Variants in POGZ observed in about 807,000 individuals in gnomAD.
POGZ encodes pogo transposable element derived with ZNF domain, also known as pogo transposable element with ZNF domain.
POGZ carries 17 observed loss-of-function variants against 134.6 expected under a neutral mutation model. The observed-to-expected ratio is 0.13, with a 90% confidence interval of 0.09 to 0.19. The LOEUF (loss-of-function observed/expected upper bound fraction) is 0.19, where lower values mean the gene tolerates loss of function less well. POGZ is among the 10% of genes least tolerant of loss of function. The pLI is 1.00. For missense variants in POGZ, 1,306 were observed against 1,769.7 expected (o/e 0.74, Z 4.70); for synonymous variants, 693 against 657.1 (o/e 1.05, Z -0.84).
chr1:151,411,643 C>T lies in POGZ; in HGVS notation c.1908G>A (p.Gln636=), dbSNP rs1386450770. 1.2e-6 allele frequency: 2 copies of T among 1,610,266 alleles called. No homozygotes were observed. Among genetic ancestry groups the T allele is most frequent in the Non-Finnish European group, 1.7e-6 (2 of 1,178,552 alleles). ...CTAGTACCTGGTGCCTCATGTAATG[C>T]TGTTGGAATGCATTGCCATTTTTGA... ...KVFKNGNAFQ[Q]HYMRHQKRNV... is the part of the protein sequence containing the mutation. Residue 636 remains glutamine, a synonymous_variant, in exon 12 of 19, where the codon CAG becomes CAA. Coordinates refer to ENST00000271715, the MANE Select transcript of POGZ (RefSeq NM_015100.4).
Position 151,406,151 on chromosome 1 carries a change from C to T in POGZ, c.2884G>A (p.Gly962Ser). 1 of 1,614,208 alleles carries T rather than the reference C, an allele frequency of 6.2e-7. No homozygotes were observed. The highest frequency in any genetic ancestry group is 8.5e-7 in the Non-Finnish European group (1 of 1,180,036). ...TTTTTGCCAACTCCACCACTACCAC[C>T]ACCACCTGATGCTAGCTCAGGTTCT... ...TQEPELASGG[G>S]GSGGVGKKEQ... Residue 962 changes from glycine to serine, a missense_variant, in exon 19 of 19, where the codon GGT becomes AGT. Transcript: ENST00000271715.
intron 10 of POGZ, among the ~76,000 whole-genome samples, chr1:151,413,258 T>C (rs572802073): frequency 1.3e-5 from 2 of 151,892 alleles, no homozygotes; most frequent in Non-Finnish European, 2.9e-5. Flanking sequence ...AGGACTACAG[T>C]GGTGCACCAC....
intron 1 of POGZ, among the ~76,000 whole-genome samples, chr1:151,448,930 G>A (rs1038570589): frequency 6.6e-6 from 1 of 152,078 alleles, no homozygotes; most frequent in Non-Finnish European, 1.5e-5. Flanking sequence ...ACAAGATATA[G>A]ACAGATCATG....
At position 151,425,008 on chromosome 1, in the gene POGZ, G is replaced by T; in HGVS notation, c.1132C>A (p.Pro378Thr). ...DLQDGGRKIC[P>T]RCNAQFRVTE... is the part of the protein sequence containing the mutation. ...ACACGAAATTGAGCATTACATCGTG[G>T]ACATATTTTCCGTCCACCATCCTGG... The change falls in exon 8 of 19, where the codon CCA becomes ACA. Residue 378 changes from proline to threonine, a missense_variant. This residue lies in a region of POGZ where 541 missense variants were observed against 680.5 expected (regional missense o/e 0.80). Coordinates refer to ENST00000271715, the MANE Select transcript of POGZ (RefSeq NM_015100.4). The T allele has an allele frequency of 6.3e-7, 1 of 1,599,346 alleles. No individual in the cohort carries two copies. Among genetic ancestry groups the T allele is most frequent in the Non-Finnish European group, 8.5e-7 (1 of 1,170,116 alleles).
In POGZ at chr1:151,403,331, A is replaced by G. The variant is rs1410703489; in HGVS notation, c.*1471T>C. 1 of 985,452 alleles carries G rather than the reference A, an allele frequency of 1.0e-6. No individual in the cohort carries two copies. The highest frequency in any genetic ancestry group is 1.2e-6 in the Non-Finnish European group (1 of 829,798). The allele number at this position is 985,452 out of a possible 1,614,324, so 61.0% of individuals were successfully genotyped here. On this transcript the variant is annotated 3_prime_UTR_variant, in exon 19 of 19. Transcript: ENST00000271715. ...CTGTGAAAGCCTATTAAACAGGGTC[A>G]CCTAGAAAAAAAACAAGTTTATAAA...
At chr1:151,436,496 T>A (rs767805496) in intron 3 of POGZ, among the ~76,000 whole-genome samples, 2 of 151,990 alleles carry the variant, frequency 1.3e-5, no homozygotes, top group Non-Finnish European at 2.9e-5. Context: ...CAGGCTGGAG[T>A]GCAGTGGTGC....
intron 1 of POGZ, among the ~76,000 whole-genome samples, chr1:151,451,719 T>C (rs561740754): frequency 6.6e-6 from 1 of 151,914 alleles, no homozygotes; most frequent in East Asian, 1.9e-4. Flanking sequence ...ATGAGATAAA[T>C]CCAGAAGGTG....
Position 151,423,468 on chromosome 1 carries a change from T to C in POGZ, c.1607A>G (p.Tyr536Cys). 1.2e-6 allele frequency: 2 copies of C among 1,614,028 alleles called. No individual in the cohort carries two copies. Among genetic ancestry groups the C allele is most frequent in the Non-Finnish European group, 1.7e-6 (2 of 1,179,860 alleles). Residue 536 changes from tyrosine (Y) to cysteine (C), a missense_variant, in exon 10 of 19, where the codon TAC becomes TGC. Tyr to Cys is a radical substitution (Grantham distance 194). Transcript: ENST00000271715. ...VDGHTICQHC[Y>C]RQFSTPFQLQ... is the part of the protein sequence containing the mutation. ...CTGGAAGGGAGTGGAAAACTGGCGG[T>C]AACAGTGCTGGCAGATAGTGTGACC...
At chr1:151,450,013 G>A (rs1661834000) in intron 1 of POGZ, among the ~76,000 whole-genome samples, 2 of 144,100 alleles carry the variant, frequency 1.4e-5, no homozygotes, top group East Asian at 4.2e-4. Flanking sequence ...TCACCTACCT[G>A]TGAAACTTGA....
rs780547697 is a variant in POGZ at position 151,406,162 on chromosome 1, G to A, written c.2873C>T (p.Ala958Val). ...TCCACCACTACCACCACCACCTGAT[G>A]CTAGCTCAGGTTCTTGGGTGACTGG... ...GSPVTQEPEL[A>V]SGGGGSGGVG... Residue 958 changes from alanine (A) to valine (V), a missense_variant, in exon 19 of 19, where the codon GCA becomes GTA. By Grantham distance (64) the Ala-to-Val change is moderately conservative (BLOSUM62 0). Around this residue, in one of 10 missense-constraint regions of POGZ, gnomAD observed 214 missense variants for 255.5 expected, o/e 0.84. Transcript: ENST00000271715. The A allele has an allele frequency of 3.7e-6, 6 of 1,613,936 alleles. No individual in the cohort carries two copies. Among genetic ancestry groups the A allele is most frequent in the East Asian group, 4.5e-5 (2 of 44,904 alleles).
intron 11 of POGZ, 141 bp from the exon 12 acceptor site, chr1:151,411,912 C>T: frequency 1.6e-6 from 1 of 644,286 alleles, no homozygotes; most frequent in Non-Finnish European, 2.6e-6. Flanking sequence ...ATTTTCCTGA[C>T]TTTGTAATGC....
chr1:151,407,078 C>T, intron 16 of POGZ, 55 bp from the exon 17 acceptor site: 1 of 1,425,704 alleles, frequency 7.0e-7, no homozygotes, highest in Non-Finnish European at 9.8e-7. Flanking sequence ...CACTTGAGAC[C>T]ATTAAGCTTT....
At chr1:151,445,535 A>G (rs1661145081) in intron 1 of POGZ, among the ~76,000 whole-genome samples, 1 of 151,710 alleles carries the variant, frequency 6.6e-6, no homozygotes, top group Non-Finnish European at 1.5e-5. Flanking sequence ...AAAAAAAAAA[A>G]AAAGAAAAAA....
Position 151,424,075 on chromosome 1 carries a change from A to G in POGZ, c.1397T>C (p.Ile466Thr), listed in dbSNP as rs746423911. ...ATAGTAGAAGTCATCTACAAGCATA[A>G]TGAGTTTGGTCTGGACGGCATCGCC... ...NVGDAVQTKL[I>T]MLVDDFYYGR... Residue 466 changes from isoleucine (I) to threonine (T), a missense_variant, in exon 9 of 19, where the codon ATT becomes ACT. Transcript: ENST00000271715. 1.9e-6 allele frequency: 3 copies of G among 1,614,112 alleles called. No homozygotes were observed. Among genetic ancestry groups the G allele is most frequent in the African/African-American group, 1.3e-5 (1 of 75,026 alleles).
Position 151,408,751 on chromosome 1 carries a change from T to C in POGZ, c.2004A>G (p.Gln668=). ...TGGGTTTACGGAAGGTTTTATGGTG[T>C]TGAAGCTTGTGTTCAATTTTGTCCT... is the stretch of plus-strand genomic sequence containing the variant. ...FAKDKIEHKL[Q]HHKTFRKPKQ... Residue 668 remains glutamine (Q), a synonymous_variant, in exon 13 of 19, where the codon CAA becomes CAG. Coordinates refer to ENST00000271715, the MANE Select transcript of POGZ (RefSeq NM_015100.4). 6.2e-7 allele frequency: 1 copy of C among 1,614,116 alleles called. No individual in the cohort carries two copies. The highest frequency in any genetic ancestry group is 1.1e-5 in the South Asian group (1 of 91,080).
At chr1:151,433,606 C>CA (rs57509550) in intron 3 of POGZ, among the ~76,000 whole-genome samples, 2,095 of 81,656 alleles carry the variant, frequency 0.026, 82 homozygotes, top group African/African-American at 0.073. Flanking sequence ...AATTCCGTCT[C>CA]AAAAAAAAAA....
intron 10 of POGZ, 30 bp from the exon 11 acceptor site, chr1:151,412,426 A>C (rs777096628): frequency 4.0e-6 from 5 of 1,244,512 alleles, no homozygotes; most frequent in Non-Finnish European, 5.9e-6. Context: ...CAATAAATCC[A>C]CTTGAAAATA....
chr1:151,430,140 A>T (rs1228814355), intron 4 of POGZ, among the ~76,000 whole-genome samples: 1 of 152,190 alleles, frequency 6.6e-6, no homozygotes, highest in Non-Finnish European at 1.5e-5. Context: ...CCTTTGGCAA[A>T]TTCATAAGAA....
In POGZ at chr1:151,430,705, A is replaced by T; in HGVS notation, c.420T>A (p.Ser140Arg). The T allele has an allele frequency of 6.2e-7, 1 of 1,610,102 alleles. No individual in the cohort carries two copies. The highest frequency in any genetic ancestry group is 8.5e-7 in the Non-Finnish European group (1 of 1,178,236). ...ATATTGGTTGTGAGGCCACAGGGGA[A>T]CTAGTCACATGATTGGCATTCTGCA... is the stretch of plus-strand genomic sequence containing the variant. Reference protein sequence around the residue: ...QVMQNANHVTSSPVASQPIFI... With the variant: ...QVMQNANHVTRSPVASQPIFI... The change falls in exon 4 of 19, where the codon AGT becomes AGA. Residue 140 changes from serine (S) to arginine (R), a missense_variant. Transcript: ENST00000271715.
Sources: gnomAD v4.1 joint callset for allele counts (sites outside exome capture counted in the v4.1 genomes callset) on GRCh38, gnomAD v4.1.1 for gene constraint, gnomAD v4.1.1 regional missense constraint, MANE v1.5 for transcripts, NCBI Gene and HGNC (gene_info 2026-07-23, HGNC 2026-07-21) for gene names.